POLR3B: variants seen among roughly 807,000 people sequenced by gnomAD.
POLR3B encodes RNA polymerase III subunit B.
In POLR3B, 96 loss-of-function variants were observed where a neutral mutation model predicts 147.4. The ratio of observed to expected loss-of-function variants is 0.65; its 90% confidence interval spans 0.55 to 0.77. The LOEUF is 0.77. Ranked by LOEUF, POLR3B falls within the 30% of genes least tolerant of loss-of-function variation. The probability of loss-of-function intolerance (pLI) is 0.00; values close to 1 mark genes in which losing one functional copy is unlikely to be tolerated. For missense variants in POLR3B, 1,036 were observed against 1,413.5 expected (o/e 0.73, Z 4.28); for synonymous variants, 461 against 485.9 (o/e 0.95, Z 0.67).
chr12:106,393,695 T>C (rs1330337949), intron 10 of POLR3B, among the ~76,000 whole-genome samples: 2 of 151,122 alleles, frequency 1.3e-5, no homozygotes, highest in African/African-American at 2.4e-5. Flanking sequence ...AGAGCCTTCA[T>C]TGACCTGCTC....
At chr12:106,437,803 T>C in intron 18 of POLR3B, 24 bp downstream of exon 18, 1 of 1,296,852 alleles carries the variant, frequency 7.7e-7, no homozygotes, top group East Asian at 2.3e-5. Context: ...ATAGCAACCA[T>C]AATTAAAACG....
chr12:106,469,600 T>C (rs2038059894), intron 23 of POLR3B, among the ~76,000 whole-genome samples: 2 of 152,304 alleles, frequency 1.3e-5, no homozygotes, highest in South Asian at 4.1e-4. Context: ...GTTGTTCCTT[T>C]CCATGTTTAG....
chr12:106,508,978 A>G (rs1232478528), intron 27 of POLR3B, among the ~76,000 whole-genome samples: 1 of 152,228 alleles, frequency 6.6e-6, no homozygotes, highest in Non-Finnish European at 1.5e-5. Flanking sequence ...CTAGAATAAT[A>G]TACTGCTAGT....
At chr12:106,401,644 A>G (rs1453584838) in intron 10 of POLR3B, among the ~76,000 whole-genome samples, 1 of 152,258 alleles carries the variant, frequency 6.6e-6, no homozygotes, top group Non-Finnish European at 1.5e-5. Flanking sequence ...CCTGGGATGC[A>G]AGGCTGGTTC....
chr12:106,363,976 G>T, intron 2 of POLR3B, 74 bp downstream of exon 2: 1 of 1,149,934 alleles, frequency 8.7e-7, no homozygotes, highest in Non-Finnish European at 1.3e-6. Flanking sequence ...ATTTTTTAAA[G>T]ATTAAATTTT....
chr12:106,505,107 G>A (rs2038665310), intron 27 of POLR3B, among the ~76,000 whole-genome samples: 1 of 152,106 alleles, frequency 6.6e-6, no homozygotes, highest in African/African-American at 2.4e-5. Flanking sequence ...GGTACACAAA[G>A]GTCACCTTAA....
At chr12:106,493,756 T>C (rs532845822) in intron 23 of POLR3B, among the ~76,000 whole-genome samples, 156 of 152,360 alleles carry the variant, frequency 1.0e-3, no homozygotes, top group Non-Finnish European at 1.6e-3. Context: ...GAAGCCGCAA[T>C]GATGGAGAGC....
At chr12:106,438,754 C>G (rs2037611779) in intron 18 of POLR3B, among the ~76,000 whole-genome samples, 1 of 152,170 alleles carries the variant, frequency 6.6e-6, no homozygotes, top group African/African-American at 2.4e-5. Flanking sequence ...TAAAAATATA[C>G]TTACCTCTGT....
intron 11 of POLR3B, among the ~76,000 whole-genome samples, chr12:106,409,895 G>T (rs1027546577): frequency 6.6e-6 from 1 of 152,048 alleles, no homozygotes; most frequent in African/African-American, 2.4e-5. Flanking sequence ...ATCTACTTCA[G>T]TTTTTTTGTC....
chr12:106,382,309 A>C (rs571196668), intron 9 of POLR3B, among the ~76,000 whole-genome samples: 1 of 152,214 alleles, frequency 6.6e-6, no homozygotes, highest in African/African-American at 2.4e-5. Flanking sequence ...TCCATCTTCC[A>C]TAACTTCTTC....
chr12:106,497,136 A>T (rs556300743), intron 25 of POLR3B, among the ~76,000 whole-genome samples: 145 of 105,074 alleles, frequency 1.4e-3, no homozygotes, highest in East Asian at 2.8e-3. Context: ...AAAAAAAAAA[A>T]TTTTTTTTTT....
chr12:106,450,546 A>C (rs983779092), intron 19 of POLR3B, among the ~76,000 whole-genome samples: 4 of 152,204 alleles, frequency 2.6e-5, no homozygotes, highest in African/African-American at 9.7e-5. Context: ...TAAAAACAAA[A>C]ACCAAGCACT....
At chr12:106,409,844 G>A (rs1359642481) in intron 11 of POLR3B, among the ~76,000 whole-genome samples, 1 of 152,066 alleles carries the variant, frequency 6.6e-6, no homozygotes, top group Non-Finnish European at 1.5e-5. Flanking sequence ...ATTGGCAGAA[G>A]CTCAGGCTAC....
intron 9 of POLR3B, among the ~76,000 whole-genome samples, chr12:106,388,979 T>C (rs1039078507): frequency 2.6e-5 from 4 of 152,208 alleles, no homozygotes; most frequent in African/African-American, 9.6e-5. Flanking sequence ...GGGGACCTGC[T>C]GAAATGTATT....
chr12:106,505,296 TG>T (rs1008730316), intron 27 of POLR3B, among the ~76,000 whole-genome samples: 1 of 152,110 alleles, frequency 6.6e-6, no homozygotes, highest in African/African-American at 2.4e-5. Context: ...TTTTGGTTTT[TG>T]TTTGTTTCAA....
At chr12:106,448,430 T>TC (rs2037752742) in intron 19 of POLR3B, among the ~76,000 whole-genome samples, 1 of 116,310 alleles carries the variant, frequency 8.6e-6, no homozygotes. Context: ...GTTATTTCTT[T>TC]TTTTTTTTTT....
intron 23 of POLR3B, among the ~76,000 whole-genome samples, chr12:106,492,090 C>T (rs1054507306): frequency 6.6e-6 from 1 of 152,090 alleles, no homozygotes; most frequent in African/African-American, 2.4e-5. Context: ...CTGCAGTTGC[C>T]ATTTGCTTTC....
chr12:106,359,856 A>G (rs2036443734), intron 1 of POLR3B, among the ~76,000 whole-genome samples: 1 of 152,218 alleles, frequency 6.6e-6, no homozygotes, highest in South Asian at 2.1e-4. Flanking sequence ...GACTCTTGTC[A>G]GTCTGACTCG....
intron 23 of POLR3B, among the ~76,000 whole-genome samples, chr12:106,494,045 G>A (rs1447803310): frequency 6.6e-6 from 1 of 152,052 alleles, no homozygotes; most frequent in Non-Finnish European, 1.5e-5. Flanking sequence ...TGTCAGAAGA[G>A]GGCTGATAAG....
Sources: gnomAD v4.1 joint callset for allele counts (sites outside exome capture counted in the v4.1 genomes callset) on GRCh38, gnomAD v4.1.1 for gene constraint, MANE v1.5 for transcripts, NCBI Gene and HGNC (gene_info 2026-07-23, HGNC 2026-07-21) for gene names.